LYST: variants seen among roughly 807,000 people sequenced by gnomAD.
LYST encodes the protein lysosomal trafficking regulator, also known as lysosomal-trafficking regulator.
In LYST, 192 loss-of-function variants were observed where a neutral mutation model predicts 413.6. The ratio of observed to expected loss-of-function variants is 0.46; its 90% CI spans 0.41 to 0.52. The LOEUF is 0.52. LYST is among the 20% of genes least tolerant of loss of function. LYST has a pLI of 0.00. For synonymous variants in LYST, 1,525 were observed against 1,567.3 expected (o/e 0.97, Z 0.64); for missense variants, 3,815 against 4,499.9 (o/e 0.85, Z 4.35).
chr1:235,840,878 C>G (rs1677126134), intron 1 of LYST, among the ~76,000 whole-genome samples: 1 of 152,118 alleles, frequency 6.6e-6, no homozygotes, highest in South Asian at 2.1e-4. Flanking sequence ...AAAATGAGCA[C>G]AATTTTGGTG....
intron 2 of LYST, among the ~76,000 whole-genome samples, chr1:235,831,229 G>C (rs1304268357): frequency 6.6e-6 from 1 of 152,128 alleles, no homozygotes; most frequent in Non-Finnish European, 1.5e-5. Flanking sequence ...CCGCTTCAGG[G>C]GGAAGCCCTC....
chr1:235,802,502 C>T (rs1166099735), intron 8 of LYST, among the ~76,000 whole-genome samples: 1 of 152,200 alleles, frequency 6.6e-6, no homozygotes, highest in Non-Finnish European at 1.5e-5. Context: ...CAGTGTTTGT[C>T]TGCCTAGCTT....
chr1:235,705,635 C>T (rs529529367), intron 44 of LYST, among the ~76,000 whole-genome samples: 3 of 152,008 alleles, frequency 2.0e-5, no homozygotes, highest in Non-Finnish European at 4.4e-5. Flanking sequence ...ATCATCCTGC[C>T]TCAGTCTCCC....
At chr1:235,757,857 T>C (rs1189094832) in intron 23 of LYST, among the ~76,000 whole-genome samples, 1 of 152,066 alleles carries the variant, frequency 6.6e-6, no homozygotes, top group Non-Finnish European at 1.5e-5. Flanking sequence ...TCACTGGACA[T>C]TGCTACTTGA....
At chr1:235,770,643 T>C (rs1668574053) in intron 19 of LYST, among the ~76,000 whole-genome samples, 1 of 152,186 alleles carries the variant, frequency 6.6e-6, no homozygotes, top group African/African-American at 2.4e-5. Context: ...TAATTTATGT[T>C]CAAAGAGTGT....
At chr1:235,720,198 A>C (rs1037227013) in intron 40 of LYST, among the ~76,000 whole-genome samples, 27 of 150,662 alleles carry the variant, frequency 1.8e-4, no homozygotes, top group African/African-American at 6.3e-4. Flanking sequence ...AAAAAAAAAA[A>C]AAAAGGCTAT....
In LYST at chr1:235,754,517, G is replaced by A. The variant is rs1044878598; in HGVS notation, c.7229+961C>T. On this transcript the variant is annotated intron_variant, in intron 25 of 52. Coordinates refer to ENST00000389793, the MANE Select transcript of LYST (RefSeq NM_000081.4). ...TGGGAGTACAGGCTTGAGCCACCAC[G>A]CCCAGCCTCACCTGTCTTTTCAGTT... is the stretch of plus-strand genomic sequence containing the variant. Among the ~76,000 whole-genome samples the A allele has an allele frequency of 9.2e-5, 14 of 152,022 alleles. No individual in the cohort carries two copies. In the East Asian group the frequency reaches 2.1e-3, roughly 23 times the overall value.
At chr1:235,827,300 C>A (rs1250661316) in intron 3 of LYST, 1 of 331,234 alleles carries the variant, frequency 3.0e-6, no homozygotes, top group African/African-American at 2.3e-5. Context: ...ACCCTGGAGG[C>A]TGAGGTTACA....
intron 1 of LYST, among the ~76,000 whole-genome samples, chr1:235,864,626 A>G (rs1558361839): frequency 6.6e-6 from 1 of 152,210 alleles, no homozygotes; most frequent in Non-Finnish European, 1.5e-5. Flanking sequence ...GCCCAGAATG[A>G]TCATTTTTAA....
intron 21 of LYST, among the ~76,000 whole-genome samples, chr1:235,764,685 T>C (rs188635826): frequency 6.6e-6 from 1 of 151,788 alleles, no homozygotes; most frequent in African/African-American, 2.4e-5. Flanking sequence ...TTATTTTTAG[T>C]AGAGATGGGG....
chr1:235,733,618 G>A lies in LYST; in HGVS notation c.8686C>T (p.Leu2896Phe). The change falls in exon 34 of 53, where the codon CTC becomes TTC. Residue 2896 changes from leucine (L) to phenylalanine (F), a missense_variant. Physicochemically the swap from Leu to Phe is conservative, Grantham distance 22 (BLOSUM62 0). Around this residue, in one of 4 missense-constraint regions of LYST, gnomAD observed 866 missense variants for 1,156.0 expected, o/e 0.75. Transcript: ENST00000389793. ...TTTTTTCTCTCATTTCCTTGGGAGA[G>A]AGACACTGCCTGGGTGATATCTGCA... Reference protein sequence around the residue: ...IAADITQAVSLSQGNERKKVI... With the variant: ...IAADITQAVSFSQGNERKKVI... The A allele has an allele frequency of 6.2e-7, 1 of 1,613,602 alleles. No homozygotes were observed. The highest frequency in any genetic ancestry group is 1.1e-5 in the South Asian group (1 of 91,064).
chr1:235,800,762 A>T, intron 9 of LYST, 109 bp downstream of exon 9: 2 of 763,686 alleles, frequency 2.6e-6, no homozygotes, highest in Non-Finnish European at 4.4e-6. Context: ...AGAAAAGATA[A>T]GTAATCATCT....
chr1:235,735,085 A>G (rs562727824), intron 31 of LYST: 1 of 152,586 alleles, frequency 6.6e-6, no homozygotes, highest in East Asian at 1.9e-4. Context: ...TTCATATAAA[A>G]TATATTTTAA....
chr1:235,667,900 G>C (rs1024349499), intron 50 of LYST, among the ~76,000 whole-genome samples: 1 of 151,944 alleles, frequency 6.6e-6, no homozygotes, highest in Non-Finnish European at 1.5e-5. Flanking sequence ...CTGATCTCGT[G>C]ATCTACCCAC....
At chr1:235,663,673 C>T (rs904959488) in intron 52 of LYST, among the ~76,000 whole-genome samples, 8 of 152,168 alleles carry the variant, frequency 5.3e-5, no homozygotes, top group Non-Finnish European at 1.2e-4. Flanking sequence ...ACCCCTGCAG[C>T]TATCAATCAC....
chr1:235,818,537 T>C (rs1013613969), intron 3 of LYST, among the ~76,000 whole-genome samples: 2 of 151,832 alleles, frequency 1.3e-5, no homozygotes, highest in South Asian at 4.1e-4. Flanking sequence ...TACTTCCAAA[T>C]AATAAAACTA....
Position 235,741,522 on chromosome 1 carries a change from G to A in LYST, c.8258C>T (p.Ser2753Leu), listed in dbSNP as rs200381196. ...QLGRLLVHIL[S>L]PAHAAQERKQ... ...TCTCTCTTGTGCAGCGTGGGCTGGC[G>A]ACAAAATATGCACTAGTAGTCTCCC... is the stretch of plus-strand genomic sequence containing the variant. The change falls in exon 31 of 53, where the codon TCG becomes TTG. Residue 2753 changes from serine (S) to leucine (L), a missense_variant. By Grantham distance (145) the Ser-to-Leu change is moderately radical (BLOSUM62 -2). Coordinates refer to ENST00000389793, the MANE Select transcript of LYST (RefSeq NM_000081.4). 4.2e-5 allele frequency: 67 copies of A among 1,613,754 alleles called. No individual in the cohort carries two copies. The highest frequency in any genetic ancestry group is 1.6e-4 in the Middle Eastern group (1 of 6,082).
Position 235,728,056 on chromosome 1 carries a change from A to T in LYST, c.9162+20T>A, listed in dbSNP as rs751744087. 1.3e-6 allele frequency: 2 copies of T among 1,577,056 alleles called. No individual in the cohort carries two copies. The highest frequency in any genetic ancestry group is 1.7e-6 in the Non-Finnish European group (2 of 1,146,528). ...AATCTGTCTAGATTTATGTAAATAC[A>T]GACTTAAGCCTCTACTCACCGAACT... On this transcript the variant is annotated intron_variant, in intron 38 of 52. Coordinates refer to ENST00000389793, the MANE Select transcript of LYST (RefSeq NM_000081.4).
At chr1:235,832,917 T>C (rs1415277635) in intron 2 of LYST, among the ~76,000 whole-genome samples, 1 of 152,142 alleles carries the variant, frequency 6.6e-6, no homozygotes, top group East Asian at 1.9e-4. Context: ...TTAAAACTGG[T>C]ATATAGTAGG....
Sources: gnomAD v4.1 joint callset for allele counts (sites outside exome capture counted in the v4.1 genomes callset) on GRCh38, gnomAD v4.1.1 for gene constraint, gnomAD v4.1.1 regional missense constraint, MANE v1.5 for transcripts, NCBI Gene and HGNC (gene_info 2026-07-23, HGNC 2026-07-21) for gene names.